Variants in STPG2 observed in about 807,000 individuals in gnomAD.
STPG2 encodes sperm tail PG-rich repeat containing 2, also known as sperm-tail PG-rich repeat-containing protein 2.
A neutral mutation model predicts 54.2 loss-of-function variants in STPG2; 56 were observed. The observed-to-expected ratio is 1.03, with a 90% CI of 0.83 to 1.29. The LOEUF (loss-of-function observed/expected upper bound fraction) is 1.29, where lower values mean the gene tolerates loss of function less well. Among genes scored for constraint, STPG2 ranks in the 50% most tolerant of loss-of-function variants. The pLI is 0.00. For synonymous variants in STPG2, 200 were observed against 181.8 expected (o/e 1.10, Z -0.81); for missense variants, 596 against 544.9 (o/e 1.09, Z -0.93).
rs577257623 is a variant in STPG2, at chr4:97,944,513, A to G, written c.934-506T>C. Among the ~76,000 whole-genome samples, 15 of 152,218 alleles carry G rather than the reference A, an allele frequency of 9.9e-5. No homozygotes were observed. In the East Asian group the frequency reaches 2.9e-3, roughly 29 times the overall value. On this transcript the variant is annotated intron_variant, in intron 7 of 10. Transcript: ENST00000295268. ...TTAAATTAATAGGCTAGAGGAATCT[A>G]GTAATGTAATATTTCAATGAGCAAT...
chr4:98,128,324 G>C, intron 3 of STPG2, 104 bp downstream of exon 3: 1 of 1,082,984 alleles, frequency 9.2e-7, no homozygotes. Flanking sequence ...TAACTAAAAC[G>C]TGTAATCATT....
At chr4:97,811,666 G>A (rs1350494876) in intron 9 of STPG2, among the ~76,000 whole-genome samples, 1 of 150,764 alleles carries the variant, frequency 6.6e-6, no homozygotes, top group Non-Finnish European at 1.5e-5. Context: ...TCCTAAAGGA[G>A]AATATGTGGT....
chr4:97,921,990 G>A (rs1000071503), intron 8 of STPG2, among the ~76,000 whole-genome samples: 1 of 152,166 alleles, frequency 6.6e-6, no homozygotes, highest in Non-Finnish European at 1.5e-5. Flanking sequence ...TAAAAGCAGA[G>A]AGTAGAATGG....
intron 9 of STPG2, among the ~76,000 whole-genome samples, chr4:97,777,300 AT>A (rs1225717260): frequency 6.6e-6 from 1 of 151,780 alleles, no homozygotes; most frequent in African/African-American, 2.4e-5. Context: ...TTCTCTGTCG[AT>A]TTTTAGCCAA....
chr4:97,597,863 A>G (rs1418579162), intron 10 of STPG2, among the ~76,000 whole-genome samples: 1 of 152,162 alleles, frequency 6.6e-6, no homozygotes, highest in African/African-American at 2.4e-5. Flanking sequence ...TGTCCAAAAT[A>G]GTATTGGAAC....
intron 5 of STPG2, among the ~76,000 whole-genome samples, chr4:98,035,488 A>G (rs548439372): frequency 4.6e-5 from 7 of 152,316 alleles, no homozygotes; most frequent in African/African-American, 1.7e-4. Flanking sequence ...ACGCTCTTCC[A>G]CTGTTGGTGG....
intron 10 of STPG2, among the ~76,000 whole-genome samples, chr4:97,661,047 AT>A (rs369612501): frequency 6.9e-4 from 104 of 151,724 alleles, no homozygotes; most frequent in African/African-American, 2.4e-3. Flanking sequence ...ATATAAAAAA[AT>A]AAGTTTCCAT....
At chr4:97,578,845 T>C (rs1206330774) in intron 10 of STPG2, among the ~76,000 whole-genome samples, 1 of 152,154 alleles carries the variant, frequency 6.6e-6, no homozygotes, top group Non-Finnish European at 1.5e-5. Context: ...AGCACCTCGT[T>C]ACTTAGGTAT....
intron 4 of STPG2, among the ~76,000 whole-genome samples, chr4:97,506,737 T>A (rs1730852789): frequency 6.6e-6 from 1 of 151,940 alleles, no homozygotes; most frequent in Admixed American, 6.6e-5. Flanking sequence ...TTAAGATGCA[T>A]GTTATGATCT....
intron 9 of STPG2, among the ~76,000 whole-genome samples, chr4:97,737,461 GA>G (rs1383449134): frequency 1.3e-5 from 2 of 152,064 alleles, no homozygotes; most frequent in Non-Finnish European, 2.9e-5. Flanking sequence ...TAAAAACTTT[GA>G]AAAAAATTTA....
At position 97,492,105 on chromosome 4, in the gene STPG2, G is replaced by A. The variant is rs74398717; in HGVS notation, c.462+220594C>T. The stretch of plus-strand genomic sequence containing the variant: ...CAGTGCACACCTAGATGGTCATCTC[G>A]TAAGAATGGTGCTGAATATAGGGTA... On this transcript the variant is annotated intron_variant, in intron 4 of 4. Transcript: ENST00000522676. 1.9e-3 allele frequency among the ~76,000 whole-genome samples: 291 copies of A among 151,466 alleles called. 1 individual carries two copies. Among genetic ancestry groups the A allele is most frequent in the African/African-American group, 6.4e-3 (266 of 41,426 alleles).
chr4:98,077,225 TTTGTTGTTGTTGTTGTTG>T (rs56140336), intron 5 of STPG2, among the ~76,000 whole-genome samples: 6 of 148,570 alleles, frequency 4.0e-5, no homozygotes, highest in Non-Finnish European at 7.4e-5. Flanking sequence ...CCTCAATAGT[TTTGTTGTTGTTGTTGTTG>T]TTGTTGTTGT....
chr4:98,107,303 A>T (rs905862195), intron 4 of STPG2, among the ~76,000 whole-genome samples: 1 of 151,780 alleles, frequency 6.6e-6, no homozygotes, highest in Non-Finnish European at 1.5e-5. Flanking sequence ...AAAAAGTCTA[A>T]GAAAGAAAAA....
intron 9 of STPG2, among the ~76,000 whole-genome samples, chr4:97,809,721 C>G (rs147261760): frequency 8.2e-4 from 125 of 152,230 alleles, no homozygotes; most frequent in African/African-American, 2.8e-3. Flanking sequence ...AACTTGGAAG[C>G]TGACTTTTCC....
chr4:97,901,633 G>C (rs1731180790), intron 8 of STPG2, among the ~76,000 whole-genome samples: 1 of 151,756 alleles, frequency 6.6e-6, no homozygotes, highest in South Asian at 2.1e-4. Flanking sequence ...TGAAAGATCT[G>C]TATGCTGAAA....
At chr4:97,918,199 T>C (rs1731958744) in intron 8 of STPG2, among the ~76,000 whole-genome samples, 2 of 152,162 alleles carry the variant, frequency 1.3e-5, no homozygotes, top group African/African-American at 4.8e-5. Flanking sequence ...TATACCTATC[T>C]TTTCCAACAA....
At chr4:98,056,644 A>C (rs911999659) in intron 5 of STPG2, among the ~76,000 whole-genome samples, 2 of 151,840 alleles carry the variant, frequency 1.3e-5, no homozygotes, top group Non-Finnish European at 1.5e-5. Flanking sequence ...AAACACACAC[A>C]TCCAAAGGTC....
intron 9 of STPG2, among the ~76,000 whole-genome samples, chr4:97,756,198 T>A (rs988518603): frequency 1.3e-5 from 2 of 152,208 alleles, no homozygotes; most frequent in Admixed American, 1.3e-4. Context: ...TCTACCTTGG[T>A]ACATTATGAT....
chr4:98,077,183 C>T (rs1270005921), intron 5 of STPG2, among the ~76,000 whole-genome samples: 1 of 152,052 alleles, frequency 6.6e-6, no homozygotes, highest in East Asian at 1.9e-4. Context: ...ATAAGAAACA[C>T]TAGATGTAAT....
Sources: allele counts gnomAD v4.1 joint callset (sites outside exome capture counted in the v4.1 genomes callset), GRCh38; gene constraint gnomAD v4.1.1; transcripts MANE v1.5; gene names NCBI Gene and HGNC (gene_info 2026-07-23, HGNC 2026-07-21).